The following RPTOR variants were observed in gnomAD, a reference collection of about 807,000 sequenced individuals.
The protein encoded by RPTOR is regulatory-associated protein of mTOR.
A neutral mutation model predicts 169.9 loss-of-function variants in RPTOR; 21 were observed. That is an observed-to-expected ratio of 0.12 (90% CI 0.09 to 0.18). The LOEUF is 0.18. Ranked by LOEUF, RPTOR falls within the 10% of genes least tolerant of loss-of-function variation. RPTOR has a pLI of 1.00. For synonymous variants in RPTOR, 732 were observed against 753.2 expected (o/e 0.97, Z 0.46); for missense variants, 1,133 against 1,855.9 (o/e 0.61, Z 7.16).
At chr17:80,652,169 TAAA>T (rs761547941) in intron 3 of RPTOR, among the ~76,000 whole-genome samples, 1 of 139,320 alleles carries the variant, frequency 7.2e-6, no homozygotes, top group Non-Finnish European at 1.6e-5. Context: ...GACTCCATCT[TAAA>T]AAAAAAAAAA....
chr17:80,736,080 A>T (rs2143228307), intron 5 of RPTOR, among the ~76,000 whole-genome samples: 1 of 152,126 alleles, frequency 6.6e-6, no homozygotes, highest in Middle Eastern at 3.4e-3. Flanking sequence ...ACCAAGGTGG[A>T]AGGGTCGCTT....
At chr17:80,629,624 T>C (rs1014721380) in intron 2 of RPTOR, among the ~76,000 whole-genome samples, 1 of 151,502 alleles carries the variant, frequency 6.6e-6, no homozygotes, top group Non-Finnish European at 1.5e-5. Context: ...TATTGCGTTG[T>C]TGGACATTGT....
intron 3 of RPTOR, among the ~76,000 whole-genome samples, chr17:80,668,935 T>C (rs1333818380): frequency 6.6e-6 from 1 of 152,266 alleles, no homozygotes; most frequent in Non-Finnish European, 1.5e-5. Context: ...TGAATATCAA[T>C]GAAAGAAAGA....
At chr17:80,704,286 C>T (rs1458668918) in intron 3 of RPTOR, among the ~76,000 whole-genome samples, 1 of 152,194 alleles carries the variant, frequency 6.6e-6, no homozygotes, top group Non-Finnish European at 1.5e-5. Context: ...GCCCCCAGAA[C>T]TGCGCTTTCA....
chr17:80,615,911 G>A (rs777936520), intron 1 of RPTOR, among the ~76,000 whole-genome samples: 4 of 152,092 alleles, frequency 2.6e-5, no homozygotes, highest in Admixed American at 1.3e-4. Context: ...TCCACCTCCC[G>A]CGTCTATTTG....
chr17:80,811,615 C>T (rs2067272906), intron 7 of RPTOR, among the ~76,000 whole-genome samples: 1 of 151,120 alleles, frequency 6.6e-6, no homozygotes. Flanking sequence ...CCTCACTGTA[C>T]CCACGGGACA....
At chr17:80,747,910 C>T (rs576044858) in intron 5 of RPTOR, among the ~76,000 whole-genome samples, 4 of 150,954 alleles carry the variant, frequency 2.6e-5, no homozygotes, top group East Asian at 1.9e-4. Context: ...TGGTTGGCAG[C>T]GATGGAGGGA....
At chr17:80,940,917 C>T (rs935787929) in intron 25 of RPTOR, among the ~76,000 whole-genome samples, 3 of 152,166 alleles carry the variant, frequency 2.0e-5, no homozygotes, top group East Asian at 1.9e-4. Context: ...CCTCAGCCCT[C>T]GGGATTATCA....
intron 3 of RPTOR, among the ~76,000 whole-genome samples, chr17:80,702,740 G>A (rs2066111705): frequency 6.6e-6 from 1 of 152,222 alleles, no homozygotes; most frequent in African/African-American, 2.4e-5. Flanking sequence ...GCCAGGGTCA[G>A]AAATGATGAA....
chr17:80,763,246 T>TA (rs534788704), intron 6 of RPTOR, among the ~76,000 whole-genome samples: 13 of 150,548 alleles, frequency 8.6e-5, no homozygotes, highest in East Asian at 3.9e-4. Context: ...ACCCAGTCTC[T>TA]AAAAAAAAAT....
intron 2 of RPTOR, among the ~76,000 whole-genome samples, chr17:80,643,091 A>G (rs1042308878): frequency 6.6e-6 from 1 of 152,228 alleles, no homozygotes; most frequent in Non-Finnish European, 1.5e-5. Context: ...TGATAGATTC[A>G]ACAACATAAA....
rs561325066 is a variant in RPTOR, at chr17:80,964,945, G to T, written c.*615G>T. On this transcript the variant is annotated 3_prime_UTR_variant, in exon 34 of 34. Transcript: ENST00000306801. ...TGTGAAGGAAGCCGCCCAGGGGTCC[G>T]GGCTGTCCTTGGCCGCTGGCAGCAT... 12 of 233,612 alleles carry T rather than the reference G, an allele frequency of 5.1e-5. No homozygotes were observed. The highest frequency in any genetic ancestry group is 2.8e-4 in the Admixed American group (5 of 17,838). The allele number at this position is 233,612 out of a possible 1,614,324, so 14.5% of individuals were successfully genotyped here.
At chr17:80,600,194 C>G (rs2065175062) in intron 1 of RPTOR, among the ~76,000 whole-genome samples, 1 of 152,190 alleles carries the variant, frequency 6.6e-6, no homozygotes, top group East Asian at 1.9e-4. Context: ...ACAGCCTCTT[C>G]TGGGAGCCCA....
intron 13 of RPTOR, among the ~76,000 whole-genome samples, chr17:80,880,124 T>C (rs895134800): frequency 6.6e-6 from 1 of 151,762 alleles, no homozygotes; most frequent in African/African-American, 2.4e-5. Context: ...AGGAGCGGGG[T>C]GCAGGCAGGG....
intron 20 of RPTOR, 65 bp downstream of exon 20, chr17:80,893,930 CACAG>C: frequency 7.0e-7 from 1 of 1,431,510 alleles, no homozygotes; most frequent in Non-Finnish European, 9.3e-7. Flanking sequence ...CACAGAGCAG[CACAG>C]ACCTGTGTCT....
intron 4 of RPTOR, among the ~76,000 whole-genome samples, chr17:80,709,419 C>G (rs2066167719): frequency 6.6e-6 from 1 of 152,182 alleles, no homozygotes; most frequent in Non-Finnish European, 1.5e-5. Context: ...TGTGCTGGCT[C>G]TCAGGCACGG....
intron 6 of RPTOR, among the ~76,000 whole-genome samples, chr17:80,757,027 T>C (rs2066687496): frequency 6.6e-6 from 1 of 152,098 alleles, no homozygotes; most frequent in Non-Finnish European, 1.5e-5. Context: ...GAGACACTGC[T>C]GGAGCCAAAT....
chr17:80,690,705 A>T (rs2065984019), intron 3 of RPTOR, among the ~76,000 whole-genome samples: 1 of 151,782 alleles, frequency 6.6e-6, no homozygotes, highest in Non-Finnish European at 1.5e-5. Flanking sequence ...TTACTTTAGG[A>T]TATCTGATAG....
At chr17:80,677,286 T>A (rs1213337967) in intron 3 of RPTOR, among the ~76,000 whole-genome samples, 1 of 152,182 alleles carries the variant, frequency 6.6e-6, no homozygotes, top group Non-Finnish European at 1.5e-5. Flanking sequence ...CTTCTCCATG[T>A]CTTTGAAGTG....
Sources: allele counts gnomAD v4.1 joint callset (sites outside exome capture counted in the v4.1 genomes callset), GRCh38; gene constraint gnomAD v4.1.1; transcripts MANE v1.5; gene names NCBI Gene and HGNC (gene_info 2026-07-23, HGNC 2026-07-21).